The following FAM3B variants were observed in gnomAD, a reference collection of about 807,000 sequenced individuals.
FAM3B encodes protein FAM3B.
Under a neutral mutation model 28.4 loss-of-function variants are expected in FAM3B, and 29 were observed. The ratio of observed to expected loss-of-function variants is 1.02; its 90% confidence interval spans 0.76 to 1.39. The LOEUF is 1.39. FAM3B is among the 40% of genes most tolerant of loss of function. The pLI is 0.00. For synonymous variants in FAM3B, 91 were observed against 103.0 expected (o/e 0.88, Z 0.71); for missense variants, 266 against 293.9 (o/e 0.91, Z 0.69).
At chr21:41,353,810 A>G (rs1298513680) in intron 7 of FAM3B, among the ~76,000 whole-genome samples, 1 of 152,226 alleles carries the variant, frequency 6.6e-6, no homozygotes. Flanking sequence ...CCCTTCAGCA[A>G]ATTAAAACTT....
At chr21:41,330,150 A>AC (rs1347057135) in intron 2 of FAM3B, among the ~76,000 whole-genome samples, 1 of 151,606 alleles carries the variant, frequency 6.6e-6, no homozygotes, top group Admixed American at 6.6e-5. Context: ...AAAAAAAAAA[A>AC]ACATAATACA....
At chr21:41,331,547 T>C (rs2088905698) in intron 2 of FAM3B, among the ~76,000 whole-genome samples, 1 of 152,174 alleles carries the variant, frequency 6.6e-6, no homozygotes, top group Admixed American at 6.5e-5. Context: ...TTATATTTTA[T>C]CTAGTAATTT....
At chr21:41,316,982 G>T in intron 1 of FAM3B, 84 bp downstream of exon 1, 1 of 1,168,586 alleles carries the variant, frequency 8.6e-7, no homozygotes, top group Non-Finnish European at 1.1e-6. Flanking sequence ...CCCTGCCTGG[G>T]ACCCGCCACG....
intron 7 of FAM3B, among the ~76,000 whole-genome samples, chr21:41,356,034 AATAC>A (rs3138689): frequency 7.5e-6 from 1 of 134,150 alleles, no homozygotes; most frequent in African/African-American, 3.1e-5. Context: ...CTGGGAAAAA[AATAC>A]ATACACACAC....
rs540221778 is a variant in FAM3B at position 41,318,704 on chromosome 21, T to G, written c.19+1806T>G. 3.3e-5 allele frequency among the ~76,000 whole-genome samples: 5 copies of G among 152,286 alleles called. No individual in the cohort carries two copies. In the East Asian group the frequency reaches 9.7e-4, roughly 29 times the overall value. ...TGAATACATATTGGTAAGACAGCAG[T>G]GAAAACAGCTTCCCTGTCCTCGTTC... is the stretch of plus-strand genomic sequence containing the variant. On this transcript the variant is annotated intron_variant, in intron 1 of 7. Transcript: ENST00000357985.
At chr21:41,312,845 G>A (rs1353614908), upstream of FAM3B, among the ~76,000 whole-genome samples, 1 of 152,142 alleles carries the variant, frequency 6.6e-6, no homozygotes, top group Non-Finnish European at 1.5e-5. Context: ...CTCAGGAGCT[G>A]AGGGGTGGCT....
chr21:41,355,449 A>G (rs1441704881), intron 7 of FAM3B, among the ~76,000 whole-genome samples: 2 of 152,250 alleles, frequency 1.3e-5, no homozygotes, highest in Non-Finnish European at 2.9e-5. Flanking sequence ...TAAGAAATGT[A>G]TATATAAAAT....
At chr21:41,304,687 C>T (rs911494873) in intron 1 of FAM3B, among the ~76,000 whole-genome samples, 2 of 152,218 alleles carry the variant, frequency 1.3e-5, no homozygotes, top group African/African-American at 4.8e-5. Flanking sequence ...CGACCAGGGA[C>T]TGCATTCCCA....
At chr21:41,332,386 A>AT (rs34328405) in intron 2 of FAM3B, among the ~76,000 whole-genome samples, 2 of 152,182 alleles carry the variant, frequency 1.3e-5, no homozygotes, top group African/African-American at 4.8e-5. Context: ...ATGGTGAATG[A>AT]TTTTTTTAAT....
At chr21:41,334,486 T>C (rs2088935302) in intron 2 of FAM3B, among the ~76,000 whole-genome samples, 1 of 152,146 alleles carries the variant, frequency 6.6e-6, no homozygotes, top group Non-Finnish European at 1.5e-5. Flanking sequence ...GGCCCAGGTA[T>C]AGCTCAAGCT....
chr21:41,320,445 T>G (rs932583580), intron 1 of FAM3B: 2 of 152,234 alleles, frequency 1.3e-5, no homozygotes, highest in Non-Finnish European at 2.9e-5. Flanking sequence ...CCAGTTGGTG[T>G]TAATTTGTTA....
intron 3 of FAM3B, 57 bp downstream of exon 3, chr21:41,338,558 C>A: frequency 6.3e-7 from 1 of 1,599,840 alleles, no homozygotes; most frequent in Non-Finnish European, 8.5e-7. Flanking sequence ...TTGCCCCTTC[C>A]CTGAGGCTGA....
chr21:41,342,496 G>T (rs561386492), intron 3 of FAM3B, among the ~76,000 whole-genome samples: 2 of 152,164 alleles, frequency 1.3e-5, no homozygotes, highest in South Asian at 4.1e-4. Context: ...AGTCTCTAGA[G>T]CCTATAGTCT....
chr21:41,331,624 T>A (rs2088906512), intron 2 of FAM3B, among the ~76,000 whole-genome samples: 1 of 152,228 alleles, frequency 6.6e-6, no homozygotes, highest in Non-Finnish European at 1.5e-5. Flanking sequence ...TGGTGTGAGA[T>A]GAGGATCTAA....
At chr21:41,311,236 CAA>C (rs71848321) in intron 1 of FAM3B, among the ~76,000 whole-genome samples, 659 of 23,412 alleles carry the variant, frequency 0.028, 13 homozygotes, top group African/African-American at 0.033. Flanking sequence ...CCTGTCTCTA[CAA>C]AAAAAAAAAA....
chr21:41,325,629 T>A (rs1361309377), intron 2 of FAM3B, among the ~76,000 whole-genome samples: 3 of 152,228 alleles, frequency 2.0e-5, no homozygotes, highest in Non-Finnish European at 4.4e-5. Context: ...TTTTAAAACT[T>A]GGCTTCATAC....
intron 1 of FAM3B, 156 bp from the exon 2 acceptor site, chr21:41,322,767 C>A: frequency 9.8e-7 from 1 of 1,021,458 alleles, no homozygotes; most frequent in Non-Finnish European, 1.5e-6. Flanking sequence ...CTGACACCGC[C>A]TCCCACCCTG....
intron 3 of FAM3B, among the ~76,000 whole-genome samples, chr21:41,339,337 A>G (rs1251518082): frequency 6.6e-6 from 1 of 152,106 alleles, no homozygotes; most frequent in Non-Finnish European, 1.5e-5. Flanking sequence ...GATTTACAGC[A>G]TAGCTAAACT....
chr21:41,313,934 C>A (rs1012108687), upstream of FAM3B, among the ~76,000 whole-genome samples: 5 of 152,120 alleles, frequency 3.3e-5, no homozygotes, highest in Non-Finnish European at 7.3e-5. Flanking sequence ...ATACTGTGGA[C>A]AGAGGGTATG....
Sources: allele counts gnomAD v4.1 joint callset (sites outside exome capture counted in the v4.1 genomes callset), GRCh38; gene constraint gnomAD v4.1.1; transcripts MANE v1.5; gene names NCBI Gene and HGNC (gene_info 2026-07-23, HGNC 2026-07-21).